KDM7A: variants seen among roughly 807,000 people sequenced by gnomAD.
KDM7A encodes lysine-specific demethylase 7A.
In KDM7A, 28 loss-of-function variants were observed where a neutral mutation model predicts 114.8. The observed-to-expected ratio is 0.24, with a 90% confidence interval of 0.18 to 0.33. The LOEUF is 0.33. KDM7A is among the 10% of genes least tolerant of loss of function. The pLI is 1.00. For synonymous variants in KDM7A, 423 were observed against 397.8 expected, an observed-to-expected ratio of 1.06 and a Z score of -0.75; for missense variants, 942 against 1,142.5, an observed-to-expected ratio of 0.82 and a Z score of 2.53.
chr7:140,172,396 G>A (rs977278515), intron 1 of KDM7A, among the ~76,000 whole-genome samples: 6 of 152,170 alleles, frequency 3.9e-5, no homozygotes, highest in African/African-American at 1.4e-4. Flanking sequence ...GCTCACACCT[G>A]TAATCCCAGC....
In KDM7A at chr7:140,087,631, G is replaced by C. The variant is rs145225323; in HGVS notation, c.*3463C>G. The C allele has an allele frequency of 2.3e-4, 35 of 152,242 alleles. No individual in the cohort carries two copies. The highest frequency in any genetic ancestry group is 3.4e-3 in the Middle Eastern group (1 of 294). 9.4% of individuals were successfully genotyped at this position (152,242 alleles called of 1,614,324 possible). ...AACACTTTAATCCAAATTTACAAAT[G>C]AGAAAACTAAGAGAAAGAGTTAAGT... On this transcript the variant is annotated 3_prime_UTR_variant, in exon 20 of 20. Coordinates refer to ENST00000397560, the MANE Select transcript of KDM7A (RefSeq NM_030647.2).
At chr7:140,135,099 T>A (rs1233659037) in intron 2 of KDM7A, among the ~76,000 whole-genome samples, 3 of 151,522 alleles carry the variant, frequency 2.0e-5, no homozygotes, top group African/African-American at 7.3e-5. Flanking sequence ...CCTAGGAAAT[T>A]CCATTAAAAC....
At position 140,091,846 on chromosome 7, in the gene KDM7A, G is replaced by A; in HGVS notation, c.2689C>T (p.Pro897Ser). ...CTGATAGGTGGTGGATTTGATGCCG[G>A]TCTCTTGGTGGGGTGAAGGGGCACC... ...FSVPLHPTKR[P>S]ASNPPPISNQ... Residue 897 changes from proline (P) to serine (S), a missense_variant, in exon 19 of 20, where the codon CCG (proline) becomes TCG (serine). Pro to Ser is a moderately conservative substitution (Grantham distance 74). Around this residue, in one of 4 missense-constraint regions of KDM7A, gnomAD observed 512 missense variants for 576.6 expected, o/e 0.89. Transcript: ENST00000397560. 6.2e-7 allele frequency: 1 copy of A among 1,612,802 alleles called. No homozygotes were observed. The highest frequency in any genetic ancestry group is 1.1e-5 in the South Asian group (1 of 91,050).
chr7:140,148,450 C>A (rs1340265748), intron 1 of KDM7A, among the ~76,000 whole-genome samples: 3 of 151,758 alleles, frequency 2.0e-5, no homozygotes, highest in Non-Finnish European at 2.9e-5. Context: ...TAACAGTAAC[C>A]CCCTCAAAGG....
At chr7:140,101,369 G>A (rs1286076997) in intron 12 of KDM7A, among the ~76,000 whole-genome samples, 1 of 152,088 alleles carries the variant, frequency 6.6e-6, no homozygotes, top group African/African-American at 2.4e-5. Context: ...TCAAGTAGAG[G>A]CTTTCTGCAT....
intron 7 of KDM7A, among the ~76,000 whole-genome samples, chr7:140,121,888 G>C (rs1188222843): frequency 6.6e-6 from 1 of 152,084 alleles, no homozygotes; most frequent in Non-Finnish European, 1.5e-5. Context: ...AAACTGTACT[G>C]TAGTTTGGAA....
At chr7:140,123,172 T>C (rs1007201638) in intron 7 of KDM7A, among the ~76,000 whole-genome samples, 7 of 152,160 alleles carry the variant, frequency 4.6e-5, no homozygotes, top group Admixed American at 2.0e-4. Context: ...TAGAATAGAA[T>C]AGAAGGCAAT....
chr7:140,164,909 C>A (rs1034144886), intron 1 of KDM7A, among the ~76,000 whole-genome samples: 1 of 152,192 alleles, frequency 6.6e-6, no homozygotes, highest in Non-Finnish European at 1.5e-5. Context: ...CTGGTATCTT[C>A]TCTTTAAGAA....
At chr7:140,100,711 C>CATATATAT (rs58767645) in intron 12 of KDM7A, among the ~76,000 whole-genome samples, 21 of 56,970 alleles carry the variant, frequency 3.7e-4, no homozygotes, top group Admixed American at 8.3e-4. Context: ...TATATATACA[C>CATATATAT]ATATATATAT....
chr7:140,156,270 A>G (rs1794456903), intron 1 of KDM7A, among the ~76,000 whole-genome samples: 1 of 152,242 alleles, frequency 6.6e-6, no homozygotes, highest in African/African-American at 2.4e-5. Context: ...AGCCATGTTC[A>G]CAATACATTT....
At chr7:140,129,396 A>G in intron 4 of KDM7A, 97 bp downstream of exon 4, 1 of 1,060,742 alleles carries the variant, frequency 9.4e-7, no homozygotes, top group Admixed American at 2.4e-5. Flanking sequence ...GCAGAAAACT[A>G]AATTGACATT....
At chr7:140,145,749 C>A (rs549170227) in intron 1 of KDM7A, among the ~76,000 whole-genome samples, 2 of 152,242 alleles carry the variant, frequency 1.3e-5, no homozygotes, top group East Asian at 3.9e-4. Context: ...CTCACCTTGA[C>A]CATGGCCACA....
chr7:140,144,935 C>T (rs149807483), intron 1 of KDM7A, among the ~76,000 whole-genome samples: 86 of 152,308 alleles, frequency 5.6e-4, no homozygotes, highest in Non-Finnish European at 8.4e-4. Context: ...AGCACCTACT[C>T]CCCCTTCGCC....
At chr7:140,132,826 T>C (rs1818811146) in intron 3 of KDM7A, among the ~76,000 whole-genome samples, 1 of 152,284 alleles carries the variant, frequency 6.6e-6, no homozygotes, top group Admixed American at 6.5e-5. Flanking sequence ...CGTTTCAGGA[T>C]CTGAAATAAT....
Position 140,176,315 on chromosome 7 carries a change from G to A in KDM7A, c.194+429C>T, listed in dbSNP as rs1794706927. ...GCGTCGGCCGGCCGGGCAGAGCGGC[G>A]GGGCGGCCGGCGACTCCGGCCGGAG... On this transcript the variant is annotated intron_variant, in intron 1 of 19. Coordinates refer to ENST00000397560, the MANE Select transcript of KDM7A (RefSeq NM_030647.2). The surrounding 1 kb of genome is among the most constrained non-coding windows in gnomAD (Gnocchi z 4.4). Among the ~76,000 whole-genome samples, 3 of 144,164 alleles carry A rather than the reference G, an allele frequency of 2.1e-5. No homozygotes were observed. In the South Asian group the frequency reaches 6.5e-4, roughly 31 times the overall value. The allele number at this position is 144,164 out of a possible 152,430, so 94.6% of individuals were successfully genotyped here. A position where few individuals can be genotyped will look rare whatever the true frequency, so the allele number is the denominator to read the frequency against.
rs1157485439 is a variant in KDM7A at position 140,086,320 on chromosome 7, G to C, written c.*4774C>G. 3 of 152,184 alleles carry C rather than the reference G, an allele frequency of 2.0e-5. No individual in the cohort carries two copies. Among genetic ancestry groups the C allele is most frequent in the Non-Finnish European group, 4.4e-5 (3 of 68,030 alleles). The allele number at this position is 152,184 out of a possible 1,614,324, so 9.4% of individuals were successfully genotyped here. A position where few individuals can be genotyped will look rare whatever the true frequency, so the allele number is the denominator to read the frequency against. On this transcript the variant is annotated 3_prime_UTR_variant, in exon 20 of 20. Transcript: ENST00000397560. The stretch of plus-strand genomic sequence containing the variant: ...GTTAAGACAAAGTCTTAAGACACTA[G>C]AAGGGGCACCAGGGGGAAGGGGAGA...
chr7:140,099,991 G>A lies in KDM7A; in HGVS notation c.1671C>T (p.Phe557=). The change falls in exon 13 of 20, where the codon TTC becomes TTT. Residue 557 remains phenylalanine (F), a synonymous_variant. Transcript: ENST00000397560. The part of the protein sequence containing the change: ...DILSSKLNGK[F]NKHLQPSSTV... ...TGGAGGATGGTTGGAGATGTTTGTT[G>A]AATTTTCCATTCAGTTTAGAGCTCA... 2 of 1,613,964 alleles carry A rather than the reference G, an allele frequency of 1.2e-6. No individual in the cohort carries two copies. Among genetic ancestry groups the A allele is most frequent in the Non-Finnish European group, 1.7e-6 (2 of 1,179,824 alleles).
At chr7:140,171,554 TTTA>T (rs1283459176) in intron 1 of KDM7A, among the ~76,000 whole-genome samples, 2 of 125,180 alleles carry the variant, frequency 1.6e-5, no homozygotes, top group East Asian at 2.1e-4. Context: ...TAAATATATA[TTTA>T]TTTTTATATA....
intron 2 of KDM7A, among the ~76,000 whole-genome samples, chr7:140,138,600 G>A (rs1818906231): frequency 6.6e-6 from 1 of 152,068 alleles, no homozygotes; most frequent in Admixed American, 6.6e-5. Context: ...CAGGCAGAGA[G>A]GATGGCTGGG....
Sources: allele counts gnomAD v4.1 joint callset (sites outside exome capture counted in the v4.1 genomes callset), GRCh38; gene constraint gnomAD v4.1.1; regional missense constraint gnomAD v4.1.1; non-coding constraint Gnocchi (gnomAD v3.1); transcripts MANE v1.5; gene names NCBI Gene and HGNC (gene_info 2026-07-23, HGNC 2026-07-21).